Variants in RIPOR2 observed in about 807,000 individuals in gnomAD.
RIPOR2 encodes rho family-interacting cell polarization regulator 2.
In RIPOR2, 39 loss-of-function variants were observed where a neutral mutation model predicts 114.5. That is an observed-to-expected ratio of 0.34 (90% confidence interval 0.26 to 0.44). The LOEUF is 0.44. Ranked by LOEUF, RIPOR2 falls within the 20% of genes least tolerant of loss-of-function variation. The pLI, the probability that RIPOR2 is intolerant of heterozygous loss-of-function variation, is 1.00. For missense variants in RIPOR2, 1,007 were observed against 1,255.1 expected (o/e 0.80, Z 2.99); for synonymous variants, 445 against 484.4 (o/e 0.92, Z 1.07).
At chr6:24,994,775 T>A (rs6456643) in intron 1 of RIPOR2, among the ~76,000 whole-genome samples, 150,869 of 152,216 alleles carry the variant, frequency 0.99, 74,773 homozygotes, top group East Asian at 1. Context: ...CATACCAGAA[T>A]CATACTCCAA....
At chr6:24,918,537 T>G (rs1045706550) in intron 1 of RIPOR2, among the ~76,000 whole-genome samples, 2 of 152,172 alleles carry the variant, frequency 1.3e-5, no homozygotes, top group Admixed American at 6.6e-5. Context: ...TTCATAAAGT[T>G]GGGACCATTA....
Position 25,037,331 on chromosome 6 carries a change from GGAAA to G in RIPOR2, c.76+4516_76+4519del, listed in dbSNP as rs1240389174. ...CCCACCCCAACTGTGGCAGACTAAA[GGAAA>G]GAAAGGCTCTCGGGGCATTCAGTTA... On this transcript the variant is annotated intron_variant, in intron 1 of 13. Coordinates refer to the RIPOR2 transcript ENST00000510784. This position sits in a 1 kb window ranked among gnomAD's most constrained non-coding sequence, Gnocchi z 4.5. 6.6e-6 allele frequency among the ~76,000 whole-genome samples: 1 copy of G among 152,172 alleles called. No individual in the cohort carries two copies. Among genetic ancestry groups the G allele is most frequent in the African/African-American group, 2.4e-5 (1 of 41,448 alleles).
chr6:24,891,726 C>G (rs1767377546), intron 1 of RIPOR2, among the ~76,000 whole-genome samples: 2 of 152,106 alleles, frequency 1.3e-5, no homozygotes, highest in African/African-American at 4.8e-5. Context: ...TGGTTCCCCT[C>G]TCAGAGGCCC....
chr6:24,979,694 T>C (rs1315980676), intron 1 of RIPOR2, among the ~76,000 whole-genome samples: 1 of 152,190 alleles, frequency 6.6e-6, no homozygotes, highest in Non-Finnish European at 1.5e-5. Context: ...CTGTCTTCCA[T>C]ATGATGAGTT....
At chr6:24,887,772 T>C (rs1189436133) in intron 1 of RIPOR2, among the ~76,000 whole-genome samples, 2 of 152,218 alleles carry the variant, frequency 1.3e-5, no homozygotes, top group Admixed American at 6.5e-5. Context: ...TTCTAGATAA[T>C]TGACACCATT....
intron 1 of RIPOR2, among the ~76,000 whole-genome samples, chr6:24,915,396 C>A (rs1373898274): frequency 6.6e-6 from 1 of 151,074 alleles, no homozygotes; most frequent in African/African-American, 2.4e-5. Flanking sequence ...GCTCTGTCAC[C>A]CAGGCTGGAG....
chr6:24,830,705 CATTTTATTTT>C (rs201720413), intron 16 of RIPOR2, 35 bp from the exon 17 acceptor site: 5 of 1,520,870 alleles, frequency 3.3e-6, no homozygotes, highest in Non-Finnish European at 4.4e-6. Context: ...TCTCGTAACA[CATTTTATTTT>C]ATTTTATTTT....
Position 24,840,562 on chromosome 6 carries a change from G to A in RIPOR2, c.1858-1290C>T, listed in dbSNP as rs1326588902. 6.9e-6 allele frequency: 10 copies of A among 1,457,704 alleles called. No homozygotes were observed. In the Admixed American group the frequency reaches 1.2e-4, roughly 18 times the overall value. 90.3% of individuals were successfully genotyped at this position (1,457,704 alleles called of 1,614,324 possible). On this transcript the variant is annotated intron_variant, in intron 13 of 21. Coordinates refer to ENST00000643898, the MANE Select transcript of RIPOR2 (RefSeq NM_001286445.3). The stretch of plus-strand genomic sequence containing the variant: ...ATTCTGCAAGTTAGAAGCACTAAAT[G>A]TCCTCCATCCAGTTAGGTGACACTC...
intron 1 of RIPOR2, among the ~76,000 whole-genome samples, chr6:24,943,920 C>G (rs948108089): frequency 6.6e-6 from 1 of 152,138 alleles, no homozygotes; most frequent in Non-Finnish European, 1.5e-5. Context: ...CAAGTGTGAA[C>G]AGTCTTTTCC....
intron 7 of RIPOR2, 91 bp from the exon 8 acceptor site, chr6:24,861,127 G>A (rs568436408): frequency 5.0e-5 from 38 of 767,058 alleles, no homozygotes; most frequent in Middle Eastern, 2.3e-4. Context: ...CAACCACTGC[G>A]TGAACAACGA....
At chr6:24,926,083 T>TTA (rs1304034539) in intron 1 of RIPOR2, among the ~76,000 whole-genome samples, 6 of 152,238 alleles carry the variant, frequency 3.9e-5, no homozygotes, top group African/African-American at 1.4e-4. Context: ...TTAAAAATCT[T>TTA]AATTGCTGTC....
At chr6:24,984,996 T>A (rs939423008) in intron 1 of RIPOR2, among the ~76,000 whole-genome samples, 7 of 152,218 alleles carry the variant, frequency 4.6e-5, no homozygotes, top group African/African-American at 1.7e-4. Flanking sequence ...CCAAATCAAC[T>A]TAATGGATGC....
intron 1 of RIPOR2, among the ~76,000 whole-genome samples, chr6:25,008,238 G>GCC: frequency 6.6e-6 from 1 of 151,878 alleles, no homozygotes; most frequent in Middle Eastern, 3.4e-3. Flanking sequence ...AGCTGATCTC[G>GCC]AACTCCTGAC....
intron 17 of RIPOR2, among the ~76,000 whole-genome samples, chr6:24,828,543 T>G (rs1251956012): frequency 1.3e-5 from 2 of 151,546 alleles, no homozygotes; most frequent in Non-Finnish European, 2.9e-5. Flanking sequence ...GAAGATAGAG[T>G]GAAGTAGTAA....
At chr6:24,868,327 C>T (rs1417672969) in intron 6 of RIPOR2, among the ~76,000 whole-genome samples, 1 of 152,120 alleles carries the variant, frequency 6.6e-6, no homozygotes, top group African/African-American at 2.4e-5. Flanking sequence ...GGAATAGAAC[C>T]TAGGGCTTCT....
intron 19 of RIPOR2, among the ~76,000 whole-genome samples, chr6:24,821,356 G>T (rs1759687484): frequency 6.6e-6 from 1 of 151,634 alleles, no homozygotes; most frequent in Non-Finnish European, 1.5e-5. Flanking sequence ...CTAATTTTTT[G>T]TATTTTTAGT....
At position 24,929,981 on chromosome 6, in the gene RIPOR2, A is replaced by G. The variant is rs1287910390; in HGVS notation, c.61+5857T>C. Among the ~76,000 whole-genome samples, 4 of 152,180 alleles carry G rather than the reference A, an allele frequency of 2.6e-5. No individual in the cohort carries two copies. The East Asian group carries it at 7.7e-4, about 29-fold the overall frequency. On this transcript the variant is annotated intron_variant, in intron 1 of 21. Coordinates refer to ENST00000643898, the MANE Select transcript of RIPOR2 (RefSeq NM_001286445.3). ...GTCCCAGCTACTTGGAGGCTGAGGC[A>G]GGAGGATCCCTTGAGCCCAGGAAGT...
chr6:24,849,656 T>C (rs949366417), intron 11 of RIPOR2, 146 bp downstream of exon 11: 4 of 691,104 alleles, frequency 5.8e-6, no homozygotes, highest in Non-Finnish European at 9.8e-6. Context: ...TGAGCAATTC[T>C]GACACAGTAG....
chr6:24,822,372 G>A (rs1759775438), intron 19 of RIPOR2, among the ~76,000 whole-genome samples: 1 of 152,282 alleles, frequency 6.6e-6, no homozygotes, highest in Non-Finnish European at 1.5e-5. Context: ...CCCATGAAGA[G>A]ATGACTAGGT....
Sources: gnomAD v4.1 joint callset for allele counts (sites outside exome capture counted in the v4.1 genomes callset) on GRCh38, gnomAD v4.1.1 for gene constraint, Gnocchi (gnomAD v3.1) non-coding constraint, MANE v1.5 for transcripts, NCBI Gene and HGNC (gene_info 2026-07-23, HGNC 2026-07-21) for gene names.